Variants in FARSB observed in about 807,000 individuals in gnomAD.
FARSB encodes phenylalanine--tRNA ligase beta subunit.
A neutral mutation model predicts 69.6 loss-of-function variants in FARSB; 40 were observed. The ratio of observed to expected loss-of-function variants is 0.57; its 90% CI spans 0.45 to 0.75. FARSB has a LOEUF of 0.75. Among genes scored for constraint, FARSB ranks in the 30% least tolerant of loss-of-function variants. The probability of loss-of-function intolerance (pLI) is 0.00; values close to 1 mark genes in which losing one functional copy is unlikely to be tolerated. For missense variants in FARSB, 632 were observed against 722.9 expected, an observed-to-expected ratio of 0.87 and a Z score of 1.44; for synonymous variants, 235 against 247.2, an observed-to-expected ratio of 0.95 and a Z score of 0.46.
In FARSB at chr2:222,598,919, C is replaced by T. The variant is rs376371784; in HGVS notation, c.1618+1009G>A. Among the ~76,000 whole-genome samples, 11 of 148,660 alleles carry T rather than the reference C, an allele frequency of 7.4e-5. No homozygotes were observed. The East Asian group carries it at 1.6e-3, about 21-fold the overall frequency. ...AAAGTGGGTAAGAAACAACTTCCTG[C>T]TTATTTAATCTCTCATTTATTTAAA... On this transcript the variant is annotated intron_variant, in intron 16 of 16. Coordinates refer to ENST00000281828, the MANE Select transcript of FARSB (RefSeq NM_005687.5).
chr2:222,587,275 T>C (rs1364002071), intron 16 of FARSB, among the ~76,000 whole-genome samples: 1 of 152,068 alleles, frequency 6.6e-6, no homozygotes, highest in Non-Finnish European at 1.5e-5. Context: ...CCTAACGAAA[T>C]GAAGTCATTA....
rs1574922893 is a variant in FARSB, at chr2:222,599,835, A to C, written c.1618+93T>G. On this transcript the variant is annotated intron_variant, in intron 16 of 16. Coordinates refer to ENST00000281828, the MANE Select transcript of FARSB (RefSeq NM_005687.5). ...AATAAAACTCTCCCTTTCTTTCTAA[A>C]ATCCCAAATCAAAACTACCAACTTC... 2.4e-5 allele frequency: 24 copies of C among 1,002,688 alleles called. No homozygotes were observed. The East Asian group carries it at 6.2e-4, about 26-fold the overall frequency. 62.1% of individuals were successfully genotyped at this position (1,002,688 alleles called of 1,614,324 possible).
At chr2:222,606,922 A>G (rs901744339) in intron 15 of FARSB, among the ~76,000 whole-genome samples, 7 of 152,236 alleles carry the variant, frequency 4.6e-5, no homozygotes, top group Non-Finnish European at 1.0e-4. Flanking sequence ...AGACCAAAAC[A>G]GCTTCTAGAA....
chr2:222,612,882 C>T (rs186089818), intron 15 of FARSB, among the ~76,000 whole-genome samples: 2 of 152,178 alleles, frequency 1.3e-5, no homozygotes, highest in East Asian at 3.9e-4. Context: ...AAGTGTTGGA[C>T]CAAGCAACCC....
intron 16 of FARSB, among the ~76,000 whole-genome samples, chr2:222,583,213 A>T (rs1285764360): frequency 6.6e-6 from 1 of 152,236 alleles, no homozygotes; most frequent in Non-Finnish European, 1.5e-5. Flanking sequence ...AGCAGCAATG[A>T]GTCCATACTG....
rs1160516983 is a variant in FARSB at position 222,611,792 on chromosome 2, G to A, written c.1462+2019C>T. Among the ~76,000 whole-genome samples, 2 of 152,074 alleles carry A rather than the reference G, an allele frequency of 1.3e-5. 1 individual carries two copies. The highest frequency in any genetic ancestry group is 4.1e-4 in the South Asian group (2 of 4,822). ...AAATAGCAAAGGCACCACTACCCAG[G>A]ACTAAAATACTGCCAAGTGCCCCAT... On this transcript the variant is annotated intron_variant, in intron 15 of 16. Transcript: ENST00000281828.
intron 16 of FARSB, among the ~76,000 whole-genome samples, chr2:222,573,955 T>C (rs1276313957): frequency 6.6e-6 from 1 of 152,252 alleles, no homozygotes; most frequent in South Asian, 2.1e-4. Flanking sequence ...ATAACTTTAC[T>C]GTGTTTAAGA....
In FARSB at chr2:222,568,045, T is replaced by A. The variant is rs1689660299; in HGVS notation, c.*3826A>T. On this transcript the variant is annotated 3_prime_UTR_variant, in exon 17 of 17. Coordinates refer to ENST00000281828, the MANE Select transcript of FARSB (RefSeq NM_005687.5). The surrounding 1 kb of genome is among the most constrained non-coding windows in gnomAD (Gnocchi z 4.3). ...ATATATGTAAAATAAAAAACAAAACTTGTTGCAAACCAGTAAGTAGAGCAT... is the reference window on the plus strand; with the variant it reads ...ATATATGTAAAATAAAAAACAAAACATGTTGCAAACCAGTAAGTAGAGCAT... 6.6e-6 allele frequency: 1 copy of A among 152,052 alleles called. No homozygotes were observed. Among genetic ancestry groups the A allele is most frequent in the Non-Finnish European group, 1.5e-5 (1 of 68,020 alleles). The allele number at this position is 152,052 out of a possible 1,614,324, so 9.4% of individuals were successfully genotyped here. A position where few individuals can be genotyped will look rare whatever the true frequency, so the allele number is the denominator to read the frequency against.
intron 16 of FARSB, among the ~76,000 whole-genome samples, chr2:222,580,394 T>C (rs971738709): frequency 6.0e-4 from 91 of 152,000 alleles, no homozygotes; most frequent in Non-Finnish European, 3.1e-4. Flanking sequence ...GCATAGTGGT[T>C]GTACACCTGC....
chr2:222,620,011 C>A (rs948508978), intron 13 of FARSB, among the ~76,000 whole-genome samples: 4 of 152,240 alleles, frequency 2.6e-5, no homozygotes, highest in African/African-American at 9.6e-5. Flanking sequence ...TGAGTCCTAG[C>A]CATCATACAG....
intron 15 of FARSB, among the ~76,000 whole-genome samples, chr2:222,601,057 G>A (rs1037541716): frequency 1.4e-5 from 2 of 139,484 alleles, no homozygotes; most frequent in South Asian, 2.6e-4. Context: ...TTTATATGAA[G>A]TATCTAAGTC....
chr2:222,630,865 G>A (rs1281948501), intron 8 of FARSB, among the ~76,000 whole-genome samples: 1 of 152,076 alleles, frequency 6.6e-6, no homozygotes, highest in Non-Finnish European at 1.5e-5. Context: ...TGAAGGCAAG[G>A]AGTACCTAAA....
At chr2:222,576,366 G>C (rs1203082908) in intron 16 of FARSB, among the ~76,000 whole-genome samples, 2 of 151,398 alleles carry the variant, frequency 1.3e-5, no homozygotes, top group African/African-American at 4.9e-5. Context: ...GCAATAAAGA[G>C]ATAAGAACAA....
At chr2:222,616,864 A>G (rs1691010986) in intron 14 of FARSB, among the ~76,000 whole-genome samples, 1 of 152,212 alleles carries the variant, frequency 6.6e-6, no homozygotes, top group African/African-American at 2.4e-5. Flanking sequence ...TAAACCTCTT[A>G]GCCAAATTAA....
intron 2 of FARSB, among the ~76,000 whole-genome samples, chr2:222,647,286 G>T (rs530358607): frequency 1.3e-5 from 2 of 152,280 alleles, no homozygotes; most frequent in South Asian, 4.1e-4. Flanking sequence ...GCTAGCCTCT[G>T]CTCGGAGGTC....
chr2:222,585,035 C>T (rs894820721), intron 16 of FARSB, among the ~76,000 whole-genome samples: 1 of 152,230 alleles, frequency 6.6e-6, no homozygotes, highest in Non-Finnish European at 1.5e-5. Flanking sequence ...AACCGACAGA[C>T]TGCCTCCTCA....
chr2:222,607,454 AAGTTGAT>A (rs1484753400), intron 15 of FARSB, among the ~76,000 whole-genome samples: 2 of 152,180 alleles, frequency 1.3e-5, no homozygotes, highest in East Asian at 3.8e-4. Flanking sequence ...AAAAGAAATG[AAGTTGAT>A]AGAATGTGCT....
At chr2:222,632,750 G>C (rs1409718409) in intron 7 of FARSB, among the ~76,000 whole-genome samples, 1 of 151,640 alleles carries the variant, frequency 6.6e-6, no homozygotes, top group Admixed American at 6.6e-5. Context: ...GGAGTTTAAG[G>C]TTGCAGTAAG....
At chr2:222,605,914 C>A (rs1411618211) in intron 15 of FARSB, among the ~76,000 whole-genome samples, 1 of 152,014 alleles carries the variant, frequency 6.6e-6, no homozygotes, top group Non-Finnish European at 1.5e-5. Context: ...CAGAGTGAGA[C>A]CCTGCCTCAA....
Sources: allele counts gnomAD v4.1 joint callset (sites outside exome capture counted in the v4.1 genomes callset), GRCh38; gene constraint gnomAD v4.1.1; non-coding constraint Gnocchi (gnomAD v3.1); transcripts MANE v1.5; gene names NCBI Gene and HGNC (gene_info 2026-07-23, HGNC 2026-07-21).